The following MXD4 variants were observed in gnomAD, a reference collection of about 807,000 sequenced individuals.
The protein encoded by MXD4 is MAX dimerization protein 4.
Under a neutral mutation model 24.5 loss-of-function variants are expected in MXD4, and 16 were observed. The ratio of observed to expected loss-of-function variants is 0.65; its 90% CI spans 0.44 to 0.99. The LOEUF (loss-of-function observed/expected upper bound fraction) is 0.99. Among genes scored for constraint, MXD4 ranks in the 50% least tolerant of loss-of-function variants. The pLI, the probability that MXD4 is intolerant of heterozygous loss-of-function variation, is 0.00. For synonymous variants in MXD4, 164 were observed against 134.2 expected, an observed-to-expected ratio of 1.22 and a Z score of -1.54; for missense variants, 301 against 301.5, an observed-to-expected ratio of 1.00 and a Z score of 0.01.
Position 2,251,220 on chromosome 4 carries a change from T to A in MXD4, c.336A>T (p.Ala112=), listed in dbSNP as rs551908021. The change falls in exon 5 of 6, where the codon GCA becomes GCT. Residue 112 remains alanine, a synonymous_variant. Transcript: ENST00000337190. ...GCTGCAGCTGCTCCTTGATGCTCAGTGCCCGGCGGTCCTGCTCCTCCAGTT... is the reference window on the plus strand; with the variant it reads ...GCTGCAGCTGCTCCTTGATGCTCAGAGCCCGGCGGTCCTGCTCCTCCAGTT... ...IKKLEEQDRR[A]LSIKEQLQQE... is the part of the protein sequence containing the mutation. The A allele has an allele frequency of 1.2e-6, 2 of 1,606,236 alleles. No individual in the cohort carries two copies. The highest frequency in any genetic ancestry group is 2.2e-5 in the South Asian group (2 of 90,114).
intron 4 of MXD4, among the ~76,000 whole-genome samples, chr4:2,251,523 C>T (rs563231470): frequency 2.6e-5 from 4 of 152,378 alleles, no homozygotes; most frequent in African/African-American, 9.6e-5. Flanking sequence ...CACCAGGCAG[C>T]CTTGGCCAAG....
Position 2,248,655 on chromosome 4 carries a change from C to G in MXD4, c.*1889G>C, listed in dbSNP as rs749921233. 5 of 152,312 alleles carry G rather than the reference C, an allele frequency of 3.3e-5. No individual in the cohort carries two copies. The highest frequency in any genetic ancestry group is 4.8e-5 in the African/African-American group (2 of 41,460). 9.4% of individuals were successfully genotyped at this position (152,312 alleles called of 1,614,324 possible). A position where few individuals can be genotyped will look rare whatever the true frequency, so the allele number is the denominator to read the frequency against. ...CCACCCGCAACGCGTTCGGATGCCC[C>G]TCAGCTCCAGGCACCATGCCCCCTA... is the stretch of plus-strand genomic sequence containing the variant. On this transcript the variant is annotated 3_prime_UTR_variant, in exon 6 of 6. Coordinates refer to ENST00000337190, the MANE Select transcript of MXD4 (RefSeq NM_006454.3).
intron 4 of MXD4, 26 bp downstream of exon 4, chr4:2,252,382 C>A (rs2108788775): frequency 6.3e-7 from 1 of 1,575,858 alleles, no homozygotes; most frequent in Middle Eastern, 2.1e-4. Context: ...CCAGACAGGG[C>A]AGGGTGGAGA....
intron 3 of MXD4, chr4:2,253,015 C>G (rs923132729): frequency 6.4e-6 from 1 of 156,144 alleles, no homozygotes; most frequent in Admixed American, 6.1e-5. Context: ...GGCCAGGGAC[C>G]AGGCCCTTCC....
At chr4:2,261,109 G>T (rs771750484) in intron 2 of MXD4, among the ~76,000 whole-genome samples, 1 of 152,230 alleles carries the variant, frequency 6.6e-6, no homozygotes, top group Admixed American at 6.5e-5. Flanking sequence ...TAAAAAAGAG[G>T]ACCCCCATAC....
Position 2,261,910 on chromosome 4 carries a change from G to T in MXD4, c.64+7C>A. 6.9e-7 allele frequency: 1 copy of T among 1,458,680 alleles called. No individual in the cohort carries two copies. 90.4% of individuals were successfully genotyped at this position (1,458,680 alleles called of 1,614,324 possible). On this transcript the variant is annotated splice_region_variant and intron_variant, in intron 1 of 5. Transcript: ENST00000337190. ...GCCGCGGGCGCACAATGGGGTGCGAGCGCTACCTCGATCCCTGCGCTCCAG... is the reference window on the plus strand; with the variant it reads ...GCCGCGGGCGCACAATGGGGTGCGATCGCTACCTCGATCCCTGCGCTCCAG...
intron 2 of MXD4, among the ~76,000 whole-genome samples, chr4:2,260,768 G>C: frequency 6.6e-6 from 1 of 152,228 alleles, no homozygotes; most frequent in Non-Finnish European, 1.5e-5. Flanking sequence ...TGGACCACAG[G>C]AATGAGCCAT....
At chr4:2,258,705 C>A (rs1045841156) in intron 2 of MXD4, among the ~76,000 whole-genome samples, 1 of 152,226 alleles carries the variant, frequency 6.6e-6, no homozygotes, top group Non-Finnish European at 1.5e-5. Context: ...GACACAGCAG[C>A]GTCAGCCAGG....
intron 2 of MXD4, among the ~76,000 whole-genome samples, chr4:2,261,004 A>T (rs1735528867): frequency 6.6e-6 from 1 of 152,184 alleles, no homozygotes; most frequent in South Asian, 2.1e-4. Context: ...AGGTCAAGGT[A>T]TGGAGGGCGC....
chr4:2,255,445 A>C (rs1735407006), intron 3 of MXD4: 3 of 453,686 alleles, frequency 6.6e-6, no homozygotes, highest in African/African-American at 6.0e-5. Flanking sequence ...TGTGGGCGCC[A>C]GGGCTGGAGG....
At chr4:2,252,810 T>C (rs1414122711) in intron 3 of MXD4, 1 of 341,986 alleles carries the variant, frequency 2.9e-6, no homozygotes, top group Non-Finnish European at 5.5e-6. Context: ...CTCGCCCCCC[T>C]GCCATCCCCC....
intron 3 of MXD4, 49 bp downstream of exon 3, chr4:2,257,933 A>G: frequency 6.2e-7 from 1 of 1,611,646 alleles, no homozygotes; most frequent in Non-Finnish European, 8.5e-7. Flanking sequence ...CCTCAGTAAA[A>G]GGGTGGGCCA....
In MXD4 at chr4:2,249,381, G is replaced by A. The variant is rs1264575747; in HGVS notation, c.*1163C>T. 1 of 152,348 alleles carries A rather than the reference G, an allele frequency of 6.6e-6. No individual in the cohort carries two copies. The highest frequency in any genetic ancestry group is 1.5e-5 in the Non-Finnish European group (1 of 68,038). The allele number at this position is 152,348 out of a possible 1,614,324, so 9.4% of individuals were successfully genotyped here. A position where few individuals can be genotyped will look rare whatever the true frequency, so the allele number is the denominator to read the frequency against. On this transcript the variant is annotated 3_prime_UTR_variant, in exon 6 of 6. Transcript: ENST00000337190. ...AATAGAATACAAAAATCTGGTACAG[G>A]AAACAGAGGCGGCACACACGGACGT...
Position 2,249,251 on chromosome 4 carries a change from C to CCA in MXD4, c.*1292_*1293insTG. ...TGCTGGTGGGAAGGGCAAGGCCTGACACAAGACACAAGGCACACTTTGACG... is the reference window on the plus strand; with the variant it reads ...TGCTGGTGGGAAGGGCAAGGCCTGACCAACAAGACACAAGGCACACTTTGACG... On this transcript the variant is annotated 3_prime_UTR_variant, in exon 6 of 6. Transcript: ENST00000337190. 1 of 152,818 alleles carries CCA rather than the reference C, an allele frequency of 6.5e-6. No individual in the cohort carries two copies. The highest frequency in any genetic ancestry group is 2.4e-5 in the African/African-American group (1 of 41,584). The allele number at this position is 152,818 out of a possible 1,614,324, so 9.5% of individuals were successfully genotyped here.
chr4:2,261,612 C>CGCGGCG, intron 2 of MXD4, 113 bp downstream of exon 2: 1 of 462,736 alleles, frequency 2.2e-6, no homozygotes, highest in East Asian at 1.1e-4. Context: ...CGCCGGGGCG[C>CGCGGCG]GCGGCGGCGG....
intron 5 of MXD4, 91 bp downstream of exon 5, chr4:2,250,993 C>CCCAGCA (rs1397806522): frequency 7.1e-7 from 1 of 1,416,900 alleles, no homozygotes; most frequent in East Asian, 2.5e-5. Flanking sequence ...TCTCCCCAGC[C>CCCAGCA]CCAGCACCAG....
At chr4:2,260,382 T>A (rs1306008126) in intron 2 of MXD4, among the ~76,000 whole-genome samples, 1 of 152,356 alleles carries the variant, frequency 6.6e-6, no homozygotes, top group South Asian at 2.1e-4. Flanking sequence ...GGGGTGAAGA[T>A]GAACTGGCTG....
chr4:2,255,998 C>T (rs1003177258), intron 3 of MXD4, among the ~76,000 whole-genome samples: 3 of 152,216 alleles, frequency 2.0e-5, no homozygotes, highest in African/African-American at 4.8e-5. Context: ...ATGTGAAAGC[C>T]GTGTGAGGCT....
Position 2,252,419 on chromosome 4 carries a change from C to A in MXD4, c.298G>T (p.Val100Leu). The A allele has an allele frequency of 6.2e-7, 1 of 1,612,826 alleles. No individual in the cohort carries two copies. Among genetic ancestry groups the A allele is most frequent in the Non-Finnish European group, 8.5e-7 (1 of 1,179,902 alleles). ...CAAGGCCCACTCACCTTGATGTGCA[C>A]CTTGGCCCGCTTCAGGAGGCTCAGC... ...TTLSLLKRAKVHIKKLEEQDR... is the reference protein window; with the variant it reads ...TTLSLLKRAKLHIKKLEEQDR... Residue 100 changes from valine (V) to leucine (L), a missense_variant, in exon 4 of 6, where the codon GTG becomes TTG. Physicochemically the swap from Val to Leu is conservative, Grantham distance 32. Transcript: ENST00000337190.
Sources: allele counts gnomAD v4.1 joint callset (sites outside exome capture counted in the v4.1 genomes callset), GRCh38; gene constraint gnomAD v4.1.1; transcripts MANE v1.5; gene names NCBI Gene and HGNC (gene_info 2026-07-23, HGNC 2026-07-21).